Variants in MISP observed in about 807,000 individuals in gnomAD.
The protein encoded by MISP is mitotic spindle positioning.
MISP carries 51 observed loss-of-function variants against 49.3 expected under a neutral mutation model. That is an observed-to-expected ratio of 1.03 (90% CI 0.83 to 1.31). The LOEUF is 1.31. Among genes scored for constraint, MISP ranks in the 50% most tolerant of loss-of-function variants. The pLI is 0.00. For missense variants in MISP, 1,084 were observed against 935.1 expected (o/e 1.16, Z -2.08); for synonymous variants, 444 against 392.6 (o/e 1.13, Z -1.55).
At chr19:750,443 G>A (rs1445967694), upstream of MISP, among the ~76,000 whole-genome samples, 2 of 151,964 alleles carry the variant, frequency 1.3e-5, no homozygotes, top group Non-Finnish European at 1.5e-5. Context: ...CAAGTGATCC[G>A]CCCGCCTCGG....
At position 752,204 on chromosome 19, in the gene MISP, C is replaced by T. The variant is rs138870960; in HGVS notation, c.-58+1033C>T. Reference sequence around the variant, plus strand: ...AGGTGTTGCAGGAAGAGTCTCAGGACGCCGAGGTCCTTAGCCACCGCCGGG... The same window carrying T: ...AGGTGTTGCAGGAAGAGTCTCAGGATGCCGAGGTCCTTAGCCACCGCCGGG... On this transcript the variant is annotated intron_variant, in intron 1 of 4. Coordinates refer to ENST00000215582, the MANE Select transcript of MISP (RefSeq NM_173481.4). Among the ~76,000 whole-genome samples the T allele has an allele frequency of 3.5e-3, 527 of 152,262 alleles. 3 individuals carry two copies. Among genetic ancestry groups the T allele is most frequent in the African/African-American group, 0.012 (479 of 41,542 alleles).
rs1395601763 is a variant in MISP at position 762,521 on chromosome 19, G to C, written c.1950+858G>C. On this transcript the variant is annotated intron_variant, in intron 4 of 4. Transcript: ENST00000215582. ...TCCCGCCTCCACCTCCCAAAGTGCT[G>C]GGATTACAGGTGTGAGCCACCGCAC... Among the ~76,000 whole-genome samples the C allele has an allele frequency of 2.0e-5, 3 of 152,178 alleles. No homozygotes were observed. The East Asian group carries it at 5.8e-4, about 29-fold the overall frequency.
intron 1 of MISP, among the ~76,000 whole-genome samples, chr19:756,446 C>T (rs2033550742): frequency 6.6e-6 from 1 of 151,960 alleles, no homozygotes; most frequent in South Asian, 2.1e-4. Flanking sequence ...CTTACCCATC[C>T]CTGAACCAAT....
In MISP at chr19:757,461, C is replaced by T. The variant is rs145204788; in HGVS notation, c.515C>T (p.Thr172Ile). 29 of 1,593,084 alleles carry T rather than the reference C, an allele frequency of 1.8e-5. No homozygotes were observed. The African/African-American group carries it at 1.9e-4, about 10-fold the overall frequency. The change falls in exon 2 of 5, where the codon ACC (threonine) becomes ATC (isoleucine). Residue 172 changes from threonine (T) to isoleucine (I), a missense_variant. Transcript: ENST00000215582. Reference protein sequence around the residue: ...QGTPDHGDPRTPGPPRSTPLE... With the variant: ...QGTPDHGDPRIPGPPRSTPLE... ...ACTCCTGACCACGGAGACCCCAGGA[C>T]CCCCGGCCCACCTCGGTCCACGCCC...
chr19:752,540 G>T (rs1257916960), intron 1 of MISP, among the ~76,000 whole-genome samples: 1 of 150,810 alleles, frequency 6.6e-6, no homozygotes, highest in Non-Finnish European at 1.5e-5. Context: ...AAAAGCGGGG[G>T]GCGGGGGTGG....
At chr19:761,379 T>C (rs2033669790) in intron 3 of MISP, among the ~76,000 whole-genome samples, 1 of 151,790 alleles carries the variant, frequency 6.6e-6, no homozygotes, top group South Asian at 2.1e-4. Flanking sequence ...AATAAATTAA[T>C]TAATTAAATT....
At chr19:750,040 C>T (rs2033435118), upstream of MISP, among the ~76,000 whole-genome samples, 1 of 152,070 alleles carries the variant, frequency 6.6e-6, no homozygotes, top group African/African-American at 2.4e-5. Flanking sequence ...GCCCAGTGGC[C>T]CGACTTCCCC....
In MISP at chr19:760,052, C is replaced by A; in HGVS notation, c.1911+13C>A. ...GAAGGAGCAATGGGTGAGTCTGGAA[C>A]CCGTCTCTGCAGAGGCCAGGCTGAG... On this transcript the variant is annotated intron_variant, in intron 3 of 4. Coordinates refer to ENST00000215582, the MANE Select transcript of MISP (RefSeq NM_173481.4). 6.2e-7 allele frequency: 1 copy of A among 1,613,282 alleles called. No individual in the cohort carries two copies. The highest frequency in any genetic ancestry group is 8.5e-7 in the Non-Finnish European group (1 of 1,179,572).
At chr19:756,400 A>G (rs2033549721) in intron 1 of MISP, among the ~76,000 whole-genome samples, 1 of 152,176 alleles carries the variant, frequency 6.6e-6, no homozygotes, top group African/African-American at 2.4e-5. Context: ...CACAGAGGCC[A>G]GTGGGTGGGA....
upstream of MISP, among the ~76,000 whole-genome samples, chr19:750,966 C>T (rs529327334): frequency 6.6e-6 from 1 of 152,252 alleles, no homozygotes; most frequent in South Asian, 2.1e-4. Flanking sequence ...CGCCCTTGCC[C>T]AGCCTGGTAT....
intron 1 of MISP, among the ~76,000 whole-genome samples, chr19:751,380 G>A (rs1304452916): frequency 2.0e-5 from 3 of 152,158 alleles, no homozygotes; most frequent in African/African-American, 7.2e-5. Context: ...GTACTCTGGG[G>A]CCTCAAGGGC....
intron 1 of MISP, among the ~76,000 whole-genome samples, chr19:755,657 C>T (rs1056636099): frequency 9.2e-5 from 14 of 152,184 alleles, no homozygotes; most frequent in Admixed American, 4.6e-4. Flanking sequence ...TGAGGCCAGG[C>T]GCGGTGGCTC....
intron 4 of MISP, 27 bp from the exon 5 acceptor site, chr19:763,474 G>T (rs76099318): frequency 5.1e-6 from 8 of 1,563,320 alleles, no homozygotes; most frequent in Non-Finnish European, 7.1e-6. Flanking sequence ...GACCTGGATC[G>T]GGGGAATTCA....
rs200787612 is a variant in MISP, at chr19:761,664, G to A, written c.1950+1G>A. On this transcript the variant is annotated splice_donor_variant, in intron 4 of 4. Coordinates refer to ENST00000215582, the MANE Select transcript of MISP (RefSeq NM_173481.4). LOFTEE classifies it high-confidence loss of function. ...CCCCTCGGACGGTATCAACTCAGAG[G>A]TGAGTATGCTCCTGGGCACGAAGAC... The A allele has an allele frequency of 2.4e-5, 39 of 1,613,990 alleles. 1 individual carries two copies. Among genetic ancestry groups the A allele is most frequent in the Non-Finnish European group, 2.8e-5 (33 of 1,180,012 alleles).
At chr19:759,372 T>C (rs1175578134) in intron 2 of MISP, among the ~76,000 whole-genome samples, 1 of 149,026 alleles carries the variant, frequency 6.7e-6, no homozygotes, top group Non-Finnish European at 1.5e-5. Flanking sequence ...TTTGACAATA[T>C]GAAATATTCC....
chr19:754,340 C>T (rs908700463), intron 1 of MISP, among the ~76,000 whole-genome samples: 3 of 152,140 alleles, frequency 2.0e-5, no homozygotes, highest in African/African-American at 2.4e-5. Flanking sequence ...GGCGGGCGCC[C>T]GTAGTCCCAG....
At chr19:761,236 C>T (rs534710958) in intron 3 of MISP, among the ~76,000 whole-genome samples, 12 of 148,398 alleles carry the variant, frequency 8.1e-5, no homozygotes, top group African/African-American at 2.7e-4. Context: ...ATTACAGGTA[C>T]GTGCCACCAC....
chr19:758,683 T>A lies in MISP; in HGVS notation c.1737T>A (p.Asp579Glu). The change falls in exon 2 of 5, where the codon GAT (aspartate) becomes GAA (glutamate). Residue 579 changes from aspartate (D) to glutamate (E), a missense_variant. Coordinates refer to ENST00000215582, the MANE Select transcript of MISP (RefSeq NM_173481.4). ...CAGAGGTCTTCTCCCCAACGCCAGA[T>A]GAGAACTCTGACCAGAACTCCAGGA... ...LFPEVFSPTP[D>E]ENSDQNSRSS... The A allele has an allele frequency of 6.2e-7, 1 of 1,614,146 alleles. No homozygotes were observed. Among genetic ancestry groups the A allele is most frequent in the Non-Finnish European group, 8.5e-7 (1 of 1,180,016 alleles).
Position 758,441 on chromosome 19 carries a change from G to A in MISP, c.1495G>A (p.Val499Met), listed in dbSNP as rs143953763. Residue 499 changes from valine to methionine, a missense_variant, in exon 2 of 5, where the codon GTG becomes ATG. Val to Met is a conservative substitution (Grantham distance 21). Transcript: ENST00000215582. Reference sequence around the variant, plus strand: ...ATGCCCGCAAGCCAACAGGGGTGTCGTGCGGTGGGAGTACTTCCGCCTGCG... The same window carrying A: ...ATGCCCGCAAGCCAACAGGGGTGTCATGCGGTGGGAGTACTTCCGCCTGCG... ...RGCPQANRGV[V>M]RWEYFRLRPL... 20 of 1,614,068 alleles carry A rather than the reference G, an allele frequency of 1.2e-5. No homozygotes were observed. Among genetic ancestry groups the A allele is most frequent in the Admixed American group, 5.0e-5 (3 of 60,010 alleles).
Sources: allele counts gnomAD v4.1 joint callset (sites outside exome capture counted in the v4.1 genomes callset), GRCh38; gene constraint gnomAD v4.1.1; transcripts MANE v1.5; gene names NCBI Gene and HGNC (gene_info 2026-07-23, HGNC 2026-07-21).